Variants in FAM131A observed in about 807,000 individuals in gnomAD.
FAM131A encodes family with sequence similarity 131 member A, also known as protein FAM131A.
A neutral mutation model predicts 39.2 loss-of-function variants in FAM131A; 24 were observed. That is an observed-to-expected ratio of 0.61 (90% CI 0.44 to 0.86). The LOEUF (loss-of-function observed/expected upper bound fraction) is 0.86. FAM131A is among the 40% of genes least tolerant of loss of function. FAM131A has a pLI of 0.00. For missense variants in FAM131A, 373 were observed against 481.2 expected (o/e 0.78, Z 2.10); for synonymous variants, 202 against 206.8 (o/e 0.98, Z 0.20).
At chr3:184,341,402 C>A in intron 2 of FAM131A, 1 of 403,176 alleles carries the variant, frequency 2.5e-6, no homozygotes, top group East Asian at 5.1e-5. Flanking sequence ...TTCTTCCTTC[C>A]TCCTCTTCCC....
intron 1 of FAM131A, among the ~76,000 whole-genome samples, chr3:184,338,063 G>A (rs1338315166): frequency 6.6e-6 from 1 of 152,166 alleles, no homozygotes; most frequent in African/African-American, 2.4e-5. Context: ...GAAGAACTCA[G>A]TGTGCTTTCC....
chr3:184,340,313 C>CCTTTT (rs1727316089), intron 2 of FAM131A: 1 of 96,722 alleles, frequency 1.0e-5, no homozygotes, highest in African/African-American at 4.4e-5. Context: ...CCAGCCTATG[C>CCTTTT]ATTTTTTTTT....
intron 1 of FAM131A, among the ~76,000 whole-genome samples, 199 bp downstream of exon 1, chr3:184,337,917 T>C (rs942808033): frequency 6.6e-6 from 1 of 151,888 alleles, no homozygotes; most frequent in African/African-American, 2.4e-5. Flanking sequence ...TATCATGAGT[T>C]CGTCAGAAAA....
At chr3:184,340,460 G>C (rs1031278115) in intron 2 of FAM131A, 9 of 150,686 alleles carry the variant, frequency 6.0e-5, no homozygotes, top group Admixed American at 5.3e-4. Context: ...CTGAGTAGCT[G>C]GGATTACAGG....
chr3:184,342,024 C>G lies in FAM131A; in HGVS notation c.326-42C>G, dbSNP rs1469326320. 2.5e-6 allele frequency: 4 copies of G among 1,612,288 alleles called. No homozygotes were observed. Among genetic ancestry groups the G allele is most frequent in the Non-Finnish European group, 3.4e-6 (4 of 1,178,378 alleles). On this transcript the variant is annotated intron_variant, in intron 3 of 5. Transcript: ENST00000383847. The surrounding 1 kb of genome is among the most constrained non-coding windows in gnomAD (Gnocchi z 4.6). Reference sequence around the variant, plus strand: ...ACCTCCCTGCACCTGTGCTCCCTGGCCTGGTCCTTTACCAGGCTTCTCCAC... The same window carrying G: ...ACCTCCCTGCACCTGTGCTCCCTGGGCTGGTCCTTTACCAGGCTTCTCCAC...
chr3:184,342,758 T>C lies in FAM131A; in HGVS notation c.523T>C (p.Phe175Leu). ...CCCTGCGACAGGAGTGGCTGAGCAG[T>C]TTGCCATCGCGGAAGCCAAGCTCCG... ...ARFAAGVAEQFAIAEAKLRAW... is the reference protein window; with the variant it reads ...ARFAAGVAEQLAIAEAKLRAW... The change falls in exon 5 of 6, where the codon TTT becomes CTT. Residue 175 changes from phenylalanine to leucine, a missense_variant. Transcript: ENST00000383847. This position sits in a 1 kb window ranked among gnomAD's most constrained non-coding sequence, Gnocchi z 4.6. 6.2e-7 allele frequency: 1 copy of C among 1,613,318 alleles called. No homozygotes were observed. Among genetic ancestry groups the C allele is most frequent in the Non-Finnish European group, 8.5e-7 (1 of 1,179,492 alleles).
At position 184,342,122 on chromosome 3, in the gene FAM131A, C is replaced by T; in HGVS notation, c.382C>T (p.Arg128Ter). The part of the protein sequence containing the change: ...VTKPTAMAQG[R>*]VAHLIEWKGW... ...CAAGCCTACCGCCATGGCCCAGGGC[C>T]GAGTGGCTCACCTCATTGAGTGGAA... is the stretch of plus-strand genomic sequence containing the variant. The change falls in exon 4 of 6, where the codon CGA (arginine) becomes TGA (stop). Residue 128 changes from arginine to a stop codon, truncating the protein, a stop_gained. Transcript: ENST00000383847. LOFTEE classifies it high-confidence loss of function. This position sits in a 1 kb window ranked among gnomAD's most constrained non-coding sequence, Gnocchi z 4.6. 2 of 1,614,206 alleles carry T rather than the reference C, an allele frequency of 1.2e-6. No individual in the cohort carries two copies. Among genetic ancestry groups the T allele is most frequent in the Non-Finnish European group, 1.7e-6 (2 of 1,180,036 alleles).
At chr3:184,340,138 C>G (rs1727306608) in intron 2 of FAM131A, 1 of 151,784 alleles carries the variant, frequency 6.6e-6, no homozygotes, top group South Asian at 2.1e-4. Context: ...ATAACAGGCA[C>G]CCGCCACCAT....
At position 184,345,194 on chromosome 3, in the gene FAM131A, G is replaced by C; in HGVS notation, c.*224G>C. 1.7e-6 allele frequency: 1 copy of C among 584,362 alleles called. No homozygotes were observed. The highest frequency in any genetic ancestry group is 1.9e-5 in the African/African-American group (1 of 53,556). The allele number at this position is 584,362 out of a possible 1,614,324, so 36.2% of individuals were successfully genotyped here. Reference sequence around the variant, plus strand: ...CCCCCACTCCCGGGGCTTGCCGGGGGTTGCCCGGGGCCTCTGGGGCATGGC... The same window carrying C: ...CCCCCACTCCCGGGGCTTGCCGGGGCTTGCCCGGGGCCTCTGGGGCATGGC... On this transcript the variant is annotated 3_prime_UTR_variant, in exon 6 of 6. Transcript: ENST00000383847.
rs983298897 is a variant in FAM131A at position 184,345,855 on chromosome 3, G to T, written c.*885G>T. The T allele has an allele frequency of 2.0e-6, 1 of 492,910 alleles. No individual in the cohort carries two copies. The allele number at this position is 492,910 out of a possible 1,614,324, so 30.5% of individuals were successfully genotyped here. On this transcript the variant is annotated 3_prime_UTR_variant, in exon 6 of 6. Coordinates refer to ENST00000383847, the MANE Select transcript of FAM131A (RefSeq NM_144635.5). ...GAGAGGGCCACAAGAGGGCCACAGG[G>T]GTGGCCGGGAGTTGTCAGCTGATGC...
Position 184,344,701 on chromosome 3 carries a change from G to A in FAM131A, c.832G>A (p.Asp278Asn), listed in dbSNP as rs776640389. The A allele has an allele frequency of 7.4e-6, 12 of 1,612,316 alleles. No individual in the cohort carries two copies. The highest frequency in any genetic ancestry group is 3.3e-5 in the Admixed American group (2 of 59,992). The change falls in exon 6 of 6, where the codon GAT becomes AAT. Residue 278 changes from aspartate (D) to asparagine (N), a missense_variant. Transcript: ENST00000383847. ...CCGGCTGGCCTCCCAGCTGCTGGGC[G>A]ATGAGCTGCTTCTCGCCAAACTGCC... ...PARLASQLLG[D>N]ELLLAKLPPS...
rs543300173 is a variant in FAM131A at position 184,342,968 on chromosome 3, G to T, written c.625+108G>T. On this transcript the variant is annotated intron_variant, in intron 5 of 5. Coordinates refer to ENST00000383847, the MANE Select transcript of FAM131A (RefSeq NM_144635.5). This position sits in a 1 kb window ranked among gnomAD's most constrained non-coding sequence, Gnocchi z 4.6. ...TCAGCCTTTGCAAGGGGAGGGAGAG[G>T]GACAGACTCAGTCCAGGCAGGCCTG... 4.1e-6 allele frequency: 4 copies of T among 964,240 alleles called. No individual in the cohort carries two copies. Among genetic ancestry groups the T allele is most frequent in the African/African-American group, 3.2e-5 (2 of 62,494 alleles). 59.7% of individuals were successfully genotyped at this position (964,240 alleles called of 1,614,324 possible). A position where few individuals can be genotyped will look rare whatever the true frequency, so the allele number is the denominator to read the frequency against.
In FAM131A at chr3:184,342,694, C is replaced by A; in HGVS notation, c.509-50C>A. On this transcript the variant is annotated intron_variant, in intron 4 of 5. Coordinates refer to ENST00000383847, the MANE Select transcript of FAM131A (RefSeq NM_144635.5). This position sits in a 1 kb window ranked among gnomAD's most constrained non-coding sequence, Gnocchi z 4.6. ...TCCTCTCTCCTGTCTTCAAGCTGAG[C>A]CCTAGACTTAGCTCACCTTCTCTGC... The A allele has an allele frequency of 6.6e-7, 1 of 1,524,326 alleles. No homozygotes were observed. The highest frequency in any genetic ancestry group is 1.1e-5 in the South Asian group (1 of 87,914). The allele number at this position is 1,524,326 out of a possible 1,614,324, so 94.4% of individuals were successfully genotyped here. A position where few individuals can be genotyped will look rare whatever the true frequency, so the allele number is the denominator to read the frequency against.
Position 184,345,179 on chromosome 3 carries a change from C to T in FAM131A, c.*209C>T, listed in dbSNP as rs911254096. On this transcript the variant is annotated 3_prime_UTR_variant, in exon 6 of 6. Transcript: ENST00000383847. ...GGGGCGCATGTCCTGCCCCCACTCCCGGGGCTTGCCGGGGGTTGCCCGGGG... is the reference window on the plus strand; with the variant it reads ...GGGGCGCATGTCCTGCCCCCACTCCTGGGGCTTGCCGGGGGTTGCCCGGGG... The T allele has an allele frequency of 1.5e-5, 9 of 595,316 alleles. No individual in the cohort carries two copies. Among genetic ancestry groups the T allele is most frequent in the Non-Finnish European group, 2.3e-5 (8 of 344,424 alleles). The allele number at this position is 595,316 out of a possible 1,614,324, so 36.9% of individuals were successfully genotyped here.
chr3:184,337,780 T>C (rs1341733177), intron 1 of FAM131A, 62 bp downstream of exon 1: 19 of 1,479,878 alleles, frequency 1.3e-5, no homozygotes, highest in Admixed American at 4.0e-5. Flanking sequence ...GTAGGGTGCT[T>C]AGGTGGAAAA....
At chr3:184,338,766 G>C in intron 2 of FAM131A, 2 of 497,424 alleles carry the variant, frequency 4.0e-6, no homozygotes. Flanking sequence ...GCCGTATCCC[G>C]GGAGACCCTG....
Position 184,345,147 on chromosome 3 carries a change from T to G in FAM131A, c.*177T>G. ...AAGTGTTTGGAGAGGAGGCAGGGGCTGGGCTGGGGGCGCATGTCCTGCCCC... is the reference window on the plus strand; with the variant it reads ...AAGTGTTTGGAGAGGAGGCAGGGGCGGGGCTGGGGGCGCATGTCCTGCCCC... On this transcript the variant is annotated 3_prime_UTR_variant, in exon 6 of 6. Coordinates refer to ENST00000383847, the MANE Select transcript of FAM131A (RefSeq NM_144635.5). 1.4e-6 allele frequency: 1 copy of G among 701,672 alleles called. No individual in the cohort carries two copies. The highest frequency in any genetic ancestry group is 2.3e-6 in the Non-Finnish European group (1 of 439,016). 43.5% of individuals were successfully genotyped at this position (701,672 alleles called of 1,614,324 possible).
intron 5 of FAM131A, among the ~76,000 whole-genome samples, chr3:184,343,315 T>C (rs1471499777): frequency 6.6e-6 from 1 of 152,198 alleles, no homozygotes. Context: ...CAGGAAGGCA[T>C]GCTGGGCCTG....
rs768507394 is a variant in FAM131A at position 184,344,842 on chromosome 3, T to C, written c.973T>C (p.Cys325Arg). ...LSPAEEEPAP[C>R]KDCQPLCPPL... Reference sequence around the variant, plus strand: ...CCCCGCGGAGGAGGAGCCAGCCCCCTGCAAGGACTGCCAGCCACTCTGCCC... The same window carrying C: ...CCCCGCGGAGGAGGAGCCAGCCCCCCGCAAGGACTGCCAGCCACTCTGCCC... Residue 325 changes from cysteine to arginine, a missense_variant, in exon 6 of 6, where the codon TGC becomes CGC. Around this residue, in one of 2 missense-constraint regions of FAM131A, gnomAD observed 152 missense variants for 133.5 expected, o/e 1.14. Coordinates refer to ENST00000383847, the MANE Select transcript of FAM131A (RefSeq NM_144635.5). 4 of 1,610,994 alleles carry C rather than the reference T, an allele frequency of 2.5e-6. No individual in the cohort carries two copies. The highest frequency in any genetic ancestry group is 3.3e-4 in the Middle Eastern group (2 of 6,076).
Sources: allele counts gnomAD v4.1 joint callset (sites outside exome capture counted in the v4.1 genomes callset), GRCh38; gene constraint gnomAD v4.1.1; regional missense constraint gnomAD v4.1.1; non-coding constraint Gnocchi (gnomAD v3.1); transcripts MANE v1.5; gene names NCBI Gene and HGNC (gene_info 2026-07-23, HGNC 2026-07-21).